The following MAP3K7CL variants were observed in gnomAD, a reference collection of about 807,000 sequenced individuals.
The protein encoded by MAP3K7CL is MAP3K7 C-terminal-like protein.
In MAP3K7CL, 16 loss-of-function variants were observed where a neutral mutation model predicts 18.6. The observed-to-expected ratio is 0.86, with a 90% CI of 0.58 to 1.31. MAP3K7CL has a LOEUF of 1.31. Ranked by LOEUF, MAP3K7CL falls within the 50% of genes most tolerant of loss-of-function variation. The pLI is 0.00. For synonymous variants in MAP3K7CL, 65 were observed against 66.8 expected (o/e 0.97, Z 0.13); for missense variants, 163 against 174.4 (o/e 0.93, Z 0.37).
rs143106305 is a variant in MAP3K7CL, at chr21:29,124,562, C to A, written c.371-24627C>A. On this transcript the variant is annotated intron_variant, in intron 4 of 6. Coordinates refer to the MAP3K7CL transcript ENST00000286791. ...ATCACGTTATTCCCATCTGGGGAAA[C>A]CCTGAGTTAGTCCATGCTTGCTTGT... Among the ~76,000 whole-genome samples the A allele has an allele frequency of 2.4e-4, 36 of 152,258 alleles. No homozygotes were observed. The East Asian group carries it at 6.0e-3, about 25-fold the overall frequency.
Position 29,170,818 on chromosome 21 carries a change from C to T in MAP3K7CL, c.249-3894C>T, listed in dbSNP as rs747558405. Among the ~76,000 whole-genome samples, 148 of 151,658 alleles carry T rather than the reference C, an allele frequency of 9.8e-4. 1 individual carries two copies. The highest frequency in any genetic ancestry group is 2.5e-3 in the Admixed American group (38 of 15,216). ...CATGCCTCGCTAATTTTTGTATTTTCGGTAGATACAGGGTTTCACCATGTT... is the reference window on the plus strand; with the variant it reads ...CATGCCTCGCTAATTTTTGTATTTTTGGTAGATACAGGGTTTCACCATGTT... On this transcript the variant is annotated intron_variant, in intron 4 of 4. Transcript: ENST00000399928.
In MAP3K7CL at chr21:29,116,506, C is replaced by A. The variant is rs1161811968; in HGVS notation, c.370+23925C>A. 2.6e-5 allele frequency among the ~76,000 whole-genome samples: 4 copies of A among 152,024 alleles called. No individual in the cohort carries two copies. In the East Asian group the frequency reaches 7.7e-4, roughly 29 times the overall value. ...CATGTAGCCACAAATGGAAAGATCT[C>A]GTTGAAATGACTATTTTTTTTGTTC... On this transcript the variant is annotated intron_variant, in intron 4 of 6. Transcript: ENST00000286791.
chr21:29,171,767 A>G (rs2087833719), intron 4 of MAP3K7CL, among the ~76,000 whole-genome samples: 2 of 130,538 alleles, frequency 1.5e-5, no homozygotes, highest in Admixed American at 1.9e-4. Context: ...ACATCACGCC[A>G]CCGCACTCCA....
At chr21:29,169,187 G>A (rs926610410) in intron 4 of MAP3K7CL, among the ~76,000 whole-genome samples, 2 of 152,242 alleles carry the variant, frequency 1.3e-5, no homozygotes, top group African/African-American at 4.8e-5. Flanking sequence ...GGCCCACAAT[G>A]TCAGTTGTAC....
chr21:29,083,749 C>G (rs1016148565), upstream of MAP3K7CL, among the ~76,000 whole-genome samples: 1 of 151,740 alleles, frequency 6.6e-6, no homozygotes, highest in Non-Finnish European at 1.5e-5. Flanking sequence ...CTTTTTTGCT[C>G]AGACTATCTC....
chr21:29,133,282 A>G, intron 1 of MAP3K7CL, 24 bp from the exon 2 acceptor site: 4 of 1,530,436 alleles, frequency 2.6e-6, no homozygotes, highest in Non-Finnish European at 3.5e-6. Flanking sequence ...ATAAAGTGAC[A>G]ATGGCTCTCT....
chr21:29,086,431 G>C (rs1451995875), intron 1 of MAP3K7CL, among the ~76,000 whole-genome samples: 1 of 152,170 alleles, frequency 6.6e-6, no homozygotes, highest in Admixed American at 6.5e-5. Flanking sequence ...TTCCCACCCA[G>C]CTTGGAAAAC....
chr21:29,100,798 C>T (rs1469105523), intron 4 of MAP3K7CL, among the ~76,000 whole-genome samples: 1 of 149,836 alleles, frequency 6.7e-6, no homozygotes, highest in African/African-American at 2.5e-5. Flanking sequence ...CTGCAAGCTC[C>T]ACCTCCTGGG....
intron 4 of MAP3K7CL, among the ~76,000 whole-genome samples, chr21:29,171,806 CAAAA>C (rs34411156): frequency 1.2e-3 from 101 of 83,172 alleles, no homozygotes; most frequent in African/African-American, 3.0e-3. Context: ...GACTCCATCT[CAAAA>C]AAAAAAAAAA....
chr21:29,124,564 C>G (rs371866818), intron 4 of MAP3K7CL, among the ~76,000 whole-genome samples: 44 of 152,184 alleles, frequency 2.9e-4, no homozygotes, highest in African/African-American at 9.4e-4. Context: ...TGGGGAAACC[C>G]TGAGTTAGTC....
At position 29,142,203 on chromosome 21, in the gene MAP3K7CL, G is replaced by A. The variant is rs889481790; in HGVS notation, c.71-6986G>A. Among the ~76,000 whole-genome samples the A allele has an allele frequency of 3.9e-5, 6 of 152,024 alleles. No homozygotes were observed. In the East Asian group the frequency reaches 9.7e-4, roughly 24 times the overall value. The stretch of plus-strand genomic sequence containing the variant: ...CCCCAGCCTCCCAAGTAGCTGGGAC[G>A]TCAGGTGTGCGCCACCATGCCCGGC... On this transcript the variant is annotated intron_variant, in intron 2 of 4. Transcript: ENST00000399928.
rs187756467 is a variant in MAP3K7CL, at chr21:29,135,189, G to C, written c.70+1775G>C. On this transcript the variant is annotated intron_variant, in intron 2 of 4. Coordinates refer to ENST00000399928, the MANE Select transcript of MAP3K7CL (RefSeq NM_001286620.2). ...TTATGTTCTGAACTCAGGGCCCTAG[G>C]CTTGAAGTCTGAACTTTCTCTATTT... Among the ~76,000 whole-genome samples the C allele has an allele frequency of 1.4e-3, 210 of 152,296 alleles. 1 individual carries two copies. The highest frequency in any genetic ancestry group is 4.8e-3 in the African/African-American group (200 of 41,562).
intron 4 of MAP3K7CL, among the ~76,000 whole-genome samples, chr21:29,125,085 G>A (rs540445585): frequency 1.3e-5 from 2 of 152,212 alleles, no homozygotes; most frequent in Admixed American, 1.3e-4. Flanking sequence ...GGTACCCTTT[G>A]GATGTGGTTT....
chr21:29,162,693 A>T (rs986918222), intron 4 of MAP3K7CL, among the ~76,000 whole-genome samples: 1 of 152,142 alleles, frequency 6.6e-6, no homozygotes, highest in Non-Finnish European at 1.5e-5. Flanking sequence ...CAAAAAAAAA[A>T]AAAAAATGAT....
chr21:29,164,767 G>C (rs750207872), intron 4 of MAP3K7CL, among the ~76,000 whole-genome samples: 1 of 151,648 alleles, frequency 6.6e-6, no homozygotes, highest in Non-Finnish European at 1.5e-5. Context: ...TTTCTTCTCC[G>C]TGTGAAAAAG....
intron 4 of MAP3K7CL, among the ~76,000 whole-genome samples, chr21:29,166,292 C>T (rs1255066707): frequency 6.6e-6 from 1 of 152,190 alleles, no homozygotes; most frequent in Non-Finnish European, 1.5e-5. Flanking sequence ...TTTCATTTAA[C>T]ATCATGTCCT....
chr21:29,087,942 A>C (rs1601124428), intron 1 of MAP3K7CL, among the ~76,000 whole-genome samples: 1 of 152,188 alleles, frequency 6.6e-6, no homozygotes, highest in Admixed American at 6.5e-5. Context: ...AGATTTCTGT[A>C]CATCACACCT....
At chr21:29,106,013 C>G (rs2086315271) in intron 4 of MAP3K7CL, among the ~76,000 whole-genome samples, 1 of 152,140 alleles carries the variant, frequency 6.6e-6, no homozygotes, top group African/African-American at 2.4e-5. Context: ...ACCCCATGAA[C>G]CTCCCTGTCT....
chr21:29,158,984 G>A (rs1414286142), intron 3 of MAP3K7CL, among the ~76,000 whole-genome samples: 2 of 129,128 alleles, frequency 1.5e-5, no homozygotes, highest in African/African-American at 6.1e-5. Flanking sequence ...ACAGTGGCAT[G>A]ATCTCGGCTC....
Sources: allele counts gnomAD v4.1 joint callset (sites outside exome capture counted in the v4.1 genomes callset), GRCh38; gene constraint gnomAD v4.1.1; transcripts MANE v1.5; gene names NCBI Gene and HGNC (gene_info 2026-07-23, HGNC 2026-07-21).